The following CPNE7 variants were observed in gnomAD, a reference collection of about 807,000 sequenced individuals.
The protein encoded by CPNE7 is copine 7.
In CPNE7, 78 loss-of-function variants were observed where a neutral mutation model predicts 66.5. The observed-to-expected ratio is 1.17, with a 90% CI of 0.98 to 1.42. The LOEUF is 1.42. CPNE7 is among the 40% of genes most tolerant of loss of function. The pLI, the probability that CPNE7 is intolerant of heterozygous loss-of-function variation, is 0.00. For synonymous variants in CPNE7, 468 were observed against 336.7 expected (o/e 1.39, Z -4.27); for missense variants, 1,012 against 776.6 (o/e 1.30, Z -3.60).
At chr16:89,587,688 G>C (rs1299314747) in intron 9 of CPNE7, 2 of 378,332 alleles carry the variant, frequency 5.3e-6, no homozygotes, top group Middle Eastern at 6.7e-4. Context: ...GTCACCCATA[G>C]ATACGCACAC....
In CPNE7 at chr16:89,580,822, G is replaced by A. The variant is rs114322094; in HGVS notation, c.358-2875G>A. Among the ~76,000 whole-genome samples the A allele has an allele frequency of 1.5e-3, 204 of 137,674 alleles. 3 individuals are homozygous for A. The highest frequency in any genetic ancestry group is 5.7e-3 in the Middle Eastern group (1 of 176). The allele number at this position is 137,674 out of a possible 152,430, so 90.3% of individuals were successfully genotyped here. On this transcript the variant is annotated intron_variant, in intron 2 of 14. Coordinates refer to ENST00000319518, the MANE Select transcript of CPNE7 (RefSeq NM_153636.3). ...CGGAACATCCCGTCACCTGTAACAC[G>A]GAACATCCCGTCACCCATCACACGG...
intron 11 of CPNE7, 29 bp downstream of exon 11, chr16:89,589,980 G>C: frequency 6.2e-7 from 1 of 1,612,504 alleles, no homozygotes; most frequent in Non-Finnish European, 8.5e-7. Flanking sequence ...TGAGACCTCA[G>C]AGCTGTGCCC....
In CPNE7 at chr16:89,584,253, G is replaced by C; in HGVS notation, c.507+151G>C. The C allele has an allele frequency of 1.3e-6, 1 of 774,430 alleles. No homozygotes were observed. Among genetic ancestry groups the C allele is most frequent in the East Asian group, 2.8e-5 (1 of 36,250 alleles). 48.0% of individuals were successfully genotyped at this position (774,430 alleles called of 1,614,324 possible). ...TGGGGCTGGGCGTGCTGCCGTCACG[G>C]TCGCCATCATCACTGTCACCGCCAT... is the stretch of plus-strand genomic sequence containing the variant. On this transcript the variant is annotated intron_variant, in intron 4 of 14. Transcript: ENST00000319518. The surrounding 1 kb of genome is among the most constrained non-coding windows in gnomAD (Gnocchi z 6.0).
intron 13 of CPNE7, among the ~76,000 whole-genome samples, chr16:89,593,470 A>G (rs1044498396): frequency 2.0e-5 from 3 of 151,606 alleles, no homozygotes; most frequent in Non-Finnish European, 4.4e-5. Context: ...CTCCTGCCTC[A>G]GCCTCCCAAA....
rs1052065607 is a variant in CPNE7 at position 89,591,193 on chromosome 16, A to G, written c.1235A>G (p.Asn412Ser). The stretch of plus-strand genomic sequence containing the variant: ...AGGGTCCAGCTCTACGGCCCCACCA[A>G]CGTGGCGCCCATCATCTCCAAGGTG... The part of the protein sequence containing the change: ...LPRVQLYGPT[N>S]VAPIISKVAR... Residue 412 changes from asparagine to serine, a missense_variant, in exon 13 of 15, where the codon AAC (asparagine) becomes AGC (serine). Transcript: ENST00000319518. The G allele has an allele frequency of 1.9e-6, 3 of 1,599,268 alleles. No individual in the cohort carries two copies. The highest frequency in any genetic ancestry group is 2.6e-6 in the Non-Finnish European group (3 of 1,173,152).
chr16:89,580,037 A>G (rs2058926490), intron 2 of CPNE7, among the ~76,000 whole-genome samples: 1 of 59,666 alleles, frequency 1.7e-5, no homozygotes, highest in African/African-American at 4.3e-5. Flanking sequence ...TCACCCGCTG[A>G]CACGGAACAT....
Position 89,586,770 on chromosome 16 carries a change from G to A in CPNE7, c.867+14G>A. The A allele has an allele frequency of 6.2e-7, 1 of 1,608,204 alleles. No homozygotes were observed. The highest frequency in any genetic ancestry group is 8.5e-7 in the Non-Finnish European group (1 of 1,175,558). On this transcript the variant is annotated intron_variant, in intron 8 of 14. Transcript: ENST00000319518. ...GCTGACCTCAAGGTGAGAGGTGGCT[G>A]TGCCCGAAGCCTCCCCACCCACAAG... is the stretch of plus-strand genomic sequence containing the variant.
rs1423823353 is a variant in CPNE7 at position 89,586,773 on chromosome 16, C to T, written c.867+17C>T. The T allele has an allele frequency of 6.3e-7, 1 of 1,599,622 alleles. No individual in the cohort carries two copies. Among genetic ancestry groups the T allele is most frequent in the Non-Finnish European group, 8.6e-7 (1 of 1,167,786 alleles). Reference sequence around the variant, plus strand: ...GACCTCAAGGTGAGAGGTGGCTGTGCCCGAAGCCTCCCCACCCACAAGAGG... The same window carrying T: ...GACCTCAAGGTGAGAGGTGGCTGTGTCCGAAGCCTCCCCACCCACAAGAGG... On this transcript the variant is annotated intron_variant, in intron 8 of 14. Coordinates refer to ENST00000319518, the MANE Select transcript of CPNE7 (RefSeq NM_153636.3).
chr16:89,585,435 C>A (rs1435507921), intron 5 of CPNE7, 29 bp from the exon 6 acceptor site: 1 of 1,552,362 alleles, frequency 6.4e-7, no homozygotes. Flanking sequence ...CCCTGGGCCT[C>A]CCCTGAGCCA....
intron 5 of CPNE7, 27 bp from the exon 6 acceptor site, chr16:89,585,437 C>A: frequency 2.5e-6 from 4 of 1,572,350 alleles, no homozygotes; most frequent in South Asian, 1.1e-5. Context: ...CTGGGCCTCC[C>A]CTGAGCCAGC....
rs2059020843 is a variant in CPNE7, at chr16:89,585,534, A to G, written c.662A>G (p.Glu221Gly). The change falls in exon 6 of 15, where the codon GAG becomes GGG. Residue 221 changes from glutamate to glycine, a missense_variant. By Grantham distance (98) the Glu-to-Gly change is moderately conservative. Coordinates refer to ENST00000319518, the MANE Select transcript of CPNE7 (RefSeq NM_153636.3). Reference protein sequence around the residue: ...KVSLSSLCSCEETRPLKCLVW... With the variant: ...KVSLSSLCSCGETRPLKCLVW... The stretch of plus-strand genomic sequence containing the variant: ...TCTCTGAGTTCCCTCTGCAGCTGCG[A>G]GGAGACAAGGCCTCTAAAGGTGGGG... 1 of 1,610,628 alleles carries G rather than the reference A, an allele frequency of 6.2e-7. No homozygotes were observed. The highest frequency in any genetic ancestry group is 1.7e-5 in the Admixed American group (1 of 59,844).
chr16:89,582,123 C>G (rs2058966498), intron 2 of CPNE7, among the ~76,000 whole-genome samples: 1 of 152,216 alleles, frequency 6.6e-6, no homozygotes, highest in South Asian at 2.1e-4. Context: ...TGAGGAGGCC[C>G]CTCGTGGGTT....
Position 89,588,755 on chromosome 16 carries a change from C to A in CPNE7, c.1008C>A (p.Asn336Lys). 6.2e-7 allele frequency: 1 copy of A among 1,613,762 alleles called. No individual in the cohort carries two copies. The highest frequency in any genetic ancestry group is 8.5e-7 in the Non-Finnish European group (1 of 1,179,972). The change falls in exon 10 of 15, where the codon AAC becomes AAA. Residue 336 changes from asparagine to lysine, a missense_variant. By Grantham distance (94) the Asn-to-Lys change is moderately conservative (BLOSUM62 0). Coordinates refer to ENST00000319518, the MANE Select transcript of CPNE7 (RefSeq NM_153636.3). The part of the protein sequence containing the change: ...SLHYINPYQP[N>K]EYLKALVSVG... ...ACTACATCAACCCCTACCAGCCGAA[C>A]GAGTACCTGAAGGCACTGGTGTCCG...
rs2058853880 is a variant in CPNE7, at chr16:89,576,006, G to A, written c.109G>A (p.Asp37Asn). ...CAGCTGCCGGCACCTGCTGGACCGC[G>A]ACCCGCTCACCAAGTCCGACCCCAG... ...RLSCRHLLDRDPLTKSDPSVA... is the reference protein window; with the variant it reads ...RLSCRHLLDRNPLTKSDPSVA... Residue 37 changes from aspartate to asparagine, a missense_variant, in exon 1 of 15, where the codon GAC becomes AAC. Coordinates refer to ENST00000319518, the MANE Select transcript of CPNE7 (RefSeq NM_153636.3). The A allele has an allele frequency of 2.2e-6, 3 of 1,374,726 alleles. No individual in the cohort carries two copies. The highest frequency in any genetic ancestry group is 1.6e-5 in the South Asian group (1 of 61,852). 85.2% of individuals were successfully genotyped at this position (1,374,726 alleles called of 1,614,324 possible).
At chr16:89,587,490 G>GC (rs1354845183) in intron 9 of CPNE7, 4 of 448,420 alleles carry the variant, frequency 8.9e-6, no homozygotes, top group African/African-American at 4.1e-5. Context: ...TCAGGAAGCA[G>GC]CCCCAAGCCC....
At chr16:89,580,977 C>T (rs1413573295) in intron 2 of CPNE7, among the ~76,000 whole-genome samples, 9 of 148,154 alleles carry the variant, frequency 6.1e-5, no homozygotes, top group South Asian at 4.4e-4. Context: ...ACATCTCACC[C>T]ATCACACGGA....
intron 2 of CPNE7, among the ~76,000 whole-genome samples, chr16:89,581,358 A>ATCACACGGAACATCCCGTCACCCG (rs2058956943): frequency 6.7e-6 from 1 of 148,938 alleles, no homozygotes; most frequent in African/African-American, 2.5e-5. Flanking sequence ...CCCGTCACCC[A>ATCACACGGAACATCCCGTCACCCG]TCACACGGAA....
At chr16:89,578,969 C>T in intron 2 of CPNE7, 1 of 1,609,296 alleles carries the variant, frequency 6.2e-7, no homozygotes, top group South Asian at 1.1e-5. Flanking sequence ...TCACACCTTG[C>T]CAGGACGGGT....
chr16:89,596,595 G>A lies in CPNE7; in HGVS notation c.1651G>A (p.Glu551Lys). 1.2e-6 allele frequency: 2 copies of A among 1,606,596 alleles called. No individual in the cohort carries two copies. The highest frequency in any genetic ancestry group is 1.7e-6 in the Non-Finnish European group (2 of 1,179,352). ...PPRSLGVPAGEASPGCTP is the reference protein window; with the variant it reads ...PPRSLGVPAGKASPGCTP ...GAGAAGCCTGGGTGTCCCTGCCGGAGAGGCCAGCCCAGGCTGCACACCGTG... is the reference window on the plus strand; with the variant it reads ...GAGAAGCCTGGGTGTCCCTGCCGGAAAGGCCAGCCCAGGCTGCACACCGTG... Residue 551 changes from glutamate to lysine, a missense_variant, in exon 15 of 15, where the codon GAG becomes AAG. Coordinates refer to ENST00000319518, the MANE Select transcript of CPNE7 (RefSeq NM_153636.3).
Sources: allele counts gnomAD v4.1 joint callset (sites outside exome capture counted in the v4.1 genomes callset), GRCh38; gene constraint gnomAD v4.1.1; non-coding constraint Gnocchi (gnomAD v3.1); transcripts MANE v1.5; gene names NCBI Gene and HGNC (gene_info 2026-07-23, HGNC 2026-07-21).